LARGE1: variants seen among roughly 807,000 people sequenced by gnomAD.
LARGE1 encodes LARGE xylosyl- and glucuronyltransferase 1, also known as xylosyl- and glucuronyltransferase LARGE1.
In LARGE1, 43 loss-of-function variants were observed where a neutral mutation model predicts 87.6. That is an observed-to-expected ratio of 0.49 (90% CI 0.38 to 0.63). LARGE1 has a LOEUF of 0.63. LARGE1 is among the 30% of genes least tolerant of loss of function. LARGE1 has a pLI of 0.00. For synonymous variants in LARGE1, 434 were observed against 394.6 expected, an observed-to-expected ratio of 1.10 and a Z score of -1.18; for missense variants, 802 against 1,000.2, an observed-to-expected ratio of 0.80 and a Z score of 2.67.
intron 2 of LARGE1, among the ~76,000 whole-genome samples, chr22:33,728,320 C>A (rs1257703714): frequency 6.6e-6 from 1 of 152,120 alleles, no homozygotes; most frequent in Admixed American, 6.5e-5. Flanking sequence ...AGGCAGATCA[C>A]TTGAGGTCAG....
chr22:33,423,009 T>C (rs2066748598), intron 7 of LARGE1, among the ~76,000 whole-genome samples: 1 of 33,824 alleles, frequency 3.0e-5, no homozygotes, highest in Non-Finnish European at 5.6e-5. Context: ...TTTAAAACCA[T>C]TTTTTTTTTT....
In LARGE1 at chr22:33,478,052, G is replaced by A. The variant is rs117265887; in HGVS notation, c.788-45787C>T. On this transcript the variant is annotated intron_variant, in intron 6 of 14. Coordinates refer to ENST00000397394, the MANE Select transcript of LARGE1 (RefSeq NM_133642.5). ...GGTGAGCCCTATTTCACTCACCCAC[G>A]CATAGGTTGATTAAGCTCTAATTAT... Among the ~76,000 whole-genome samples the A allele has an allele frequency of 3.1e-3, 468 of 152,144 alleles. 3 individuals carry two copies. Among genetic ancestry groups the A allele is most frequent in the South Asian group, 0.021 (103 of 4,800 alleles).
At chr22:33,536,756 G>A (rs13053174) in intron 6 of LARGE1, among the ~76,000 whole-genome samples, 25 of 152,142 alleles carry the variant, frequency 1.6e-4, no homozygotes, top group Non-Finnish European at 2.9e-4. Context: ...TCACACATGA[G>A]GAAACTGAGG....
chr22:33,249,601 A>T (rs1926923291), intron 11 of LARGE1, among the ~76,000 whole-genome samples: 1 of 152,196 alleles, frequency 6.6e-6, no homozygotes, highest in South Asian at 2.1e-4. Flanking sequence ...TGTCGTATCT[A>T]AAAGTCATTA....
intron 2 of LARGE1, chr22:33,733,644 C>G (rs539943522): frequency 6.6e-6 from 1 of 152,332 alleles, no homozygotes; most frequent in South Asian, 2.1e-4. Flanking sequence ...ATCCATCTAT[C>G]CATCTATCCA....
intron 1 of LARGE1, among the ~76,000 whole-genome samples, chr22:33,879,851 G>A (rs953782326): frequency 3.9e-5 from 6 of 152,150 alleles, no homozygotes; most frequent in East Asian, 1.9e-4. Flanking sequence ...CTCCTGGCAC[G>A]GTATCAGGTA....
At chr22:33,520,661 CG>C (rs1364675161) in intron 6 of LARGE1, among the ~76,000 whole-genome samples, 1 of 152,232 alleles carries the variant, frequency 6.6e-6, no homozygotes, top group Non-Finnish European at 1.5e-5. Context: ...GCCTGACTCC[CG>C]GAAGTGTTCT....
At position 33,408,237 on chromosome 22, in the gene LARGE1, G is replaced by A. The variant is rs568501056; in HGVS notation, c.892+23924C>T. Among the ~76,000 whole-genome samples, 278 of 152,120 alleles carry A rather than the reference G, an allele frequency of 1.8e-3. 2 individuals carry two copies. The highest frequency in any genetic ancestry group is 6.5e-3 in the African/African-American group (268 of 41,516). ...TGACCTCAGGTGATCTACCCGCCTC[G>A]GCCCCCAAAGTGCTGGGATTACAGG... On this transcript the variant is annotated intron_variant, in intron 7 of 14. Coordinates refer to ENST00000397394, the MANE Select transcript of LARGE1 (RefSeq NM_133642.5).
intron 11 of LARGE1, among the ~76,000 whole-genome samples, chr22:33,309,170 C>CTT (rs560481122): frequency 1.0e-4 from 14 of 140,338 alleles, no homozygotes; most frequent in South Asian, 4.6e-4. Flanking sequence ...AGATTCGTGC[C>CTT]TTTTTTTTTT....
chr22:33,558,879 C>T (rs950553679), intron 6 of LARGE1, among the ~76,000 whole-genome samples: 4 of 152,196 alleles, frequency 2.6e-5, no homozygotes, highest in Admixed American at 6.5e-5. Flanking sequence ...CACACATTAA[C>T]GATGTCTGCC....
At chr22:33,372,265 C>A (rs1332721947) in intron 9 of LARGE1, among the ~76,000 whole-genome samples, 1 of 151,946 alleles carries the variant, frequency 6.6e-6, no homozygotes, top group Non-Finnish European at 1.5e-5. Flanking sequence ...TGATATGTGA[C>A]AGAGAATTCA....
intron 1 of LARGE1, among the ~76,000 whole-genome samples, chr22:33,904,981 C>T (rs549512930): frequency 1.4e-4 from 21 of 146,856 alleles, no homozygotes; most frequent in African/African-American, 5.2e-4. Flanking sequence ...TGGCAGAAAT[C>T]AACTTAAAAA....
At chr22:33,875,627 G>A (rs934083956) in intron 1 of LARGE1, among the ~76,000 whole-genome samples, 2 of 152,226 alleles carry the variant, frequency 1.3e-5, no homozygotes, top group African/African-American at 2.4e-5. Flanking sequence ...CATGTCCCAT[G>A]CCGCAAAGCA....
At chr22:33,540,635 G>C (rs2077166042) in intron 6 of LARGE1, among the ~76,000 whole-genome samples, 1 of 152,112 alleles carries the variant, frequency 6.6e-6, no homozygotes, top group Non-Finnish European at 1.5e-5. Context: ...TTAGGGCAGT[G>C]AATCTCAACC....
chr22:33,399,784 G>A (rs1462676310), intron 7 of LARGE1, among the ~76,000 whole-genome samples: 3 of 152,080 alleles, frequency 2.0e-5, no homozygotes, highest in African/African-American at 4.8e-5. Context: ...TCCTGACCTC[G>A]TGATCTGCCC....
intron 6 of LARGE1, among the ~76,000 whole-genome samples, chr22:33,464,892 T>C (rs12160453): frequency 2.4e-4 from 33 of 139,510 alleles, no homozygotes; most frequent in African/African-American, 4.5e-4. Context: ...TGCACACACA[T>C]ACACACACAC....
intron 10 of LARGE1, among the ~76,000 whole-genome samples, chr22:33,324,220 C>T (rs1937018255): frequency 1.1e-5 from 1 of 91,278 alleles, no homozygotes; most frequent in Admixed American, 1.6e-4. Flanking sequence ...CAGACCAAGA[C>T]TCCATCTCAA....
chr22:33,545,843 C>T (rs908828705), intron 6 of LARGE1, among the ~76,000 whole-genome samples: 6 of 152,298 alleles, frequency 3.9e-5, no homozygotes, highest in South Asian at 4.1e-4. Context: ...CTTGGCCTCC[C>T]GACGTGCTTG....
chr22:33,299,204 G>C (rs574990576), intron 12 of LARGE1, among the ~76,000 whole-genome samples: 1 of 152,002 alleles, frequency 6.6e-6, no homozygotes, highest in African/African-American at 2.4e-5. Flanking sequence ...CAGAGTGAGA[G>C]AGAGAGAGGA....
Sources: allele counts gnomAD v4.1 joint callset (sites outside exome capture counted in the v4.1 genomes callset), GRCh38; gene constraint gnomAD v4.1.1; transcripts MANE v1.5; gene names NCBI Gene and HGNC (gene_info 2026-07-23, HGNC 2026-07-21).